Variants in SOX11 observed in about 807,000 individuals in gnomAD.
SOX11 encodes the protein transcription factor SOX-11.
Under a neutral mutation model 16.7 loss-of-function variants are expected in SOX11, and 5 were observed. The ratio of observed to expected loss-of-function variants is 0.30; its 90% CI spans 0.16 to 0.63. The LOEUF (loss-of-function observed/expected upper bound fraction) is 0.63, where lower values mean the gene tolerates loss of function less well. Among genes scored for constraint, SOX11 ranks in the 20% least tolerant of loss-of-function variants. The pLI is 0.82. For synonymous variants in SOX11, 363 were observed against 298.8 expected (o/e 1.21, Z -2.22); for missense variants, 492 against 641.5 (o/e 0.77, Z 2.52).
rs1665650855 is a variant in SOX11 at position 5,692,528 on chromosome 2, G to A, written c.-194G>A. The A allele has an allele frequency of 8.5e-6, 4 of 470,164 alleles. No individual in the cohort carries two copies. The highest frequency in any genetic ancestry group is 1.4e-5 in the Non-Finnish European group (4 of 280,752). 29.1% of individuals were successfully genotyped at this position (470,164 alleles called of 1,614,324 possible). On this transcript the variant is annotated 5_prime_UTR_variant, in exon 1 of 1. Transcript: ENST00000322002. The stretch of plus-strand genomic sequence containing the variant: ...GACCGCAGCTCCCACCGCGCCGGCG[G>A]CCGTCGTCGCCGAAGCCACCACAGC...
At position 5,692,609 on chromosome 2, in the gene SOX11, G is replaced by GAAGAGCACAC; in HGVS notation, c.-113_-112insAAGAGCACAC. The GAAGAGCACAC allele has an allele frequency of 1.3e-6, 1 of 758,036 alleles. No homozygotes were observed. Among genetic ancestry groups the GAAGAGCACAC allele is most frequent in the Non-Finnish European group, 2.0e-6 (1 of 488,676 alleles). 47.0% of individuals were successfully genotyped at this position (758,036 alleles called of 1,614,324 possible). ...GGGGAGGGGGGGAGCCGCGAAAGCG[G>GAAGAGCACAC]GGTGCCGAGGACTTTGCAACTTGCC... On this transcript the variant is annotated 5_prime_UTR_variant, in exon 1 of 1. Transcript: ENST00000322002.
At position 5,699,136 on chromosome 2, in the gene SOX11, C is replaced by T. The variant is rs1217588858; in HGVS notation, c.*5089C>T. On this transcript the variant is annotated 3_prime_UTR_variant, in exon 1 of 1. Coordinates refer to ENST00000322002, the MANE Select transcript of SOX11 (RefSeq NM_003108.4). ...TTTATAGAATCTTTATACTCTTTTA[C>T]TGTGTGGTTCCCTGCTTTTAACAGA... is the stretch of plus-strand genomic sequence containing the variant. 6.0e-6 allele frequency: 1 copy of T among 166,952 alleles called. No homozygotes were observed. Among genetic ancestry groups the T allele is most frequent in the East Asian group, 1.9e-4 (1 of 5,196 alleles). The allele number at this position is 166,952 out of a possible 1,614,324, so 10.3% of individuals were successfully genotyped here. A position where few individuals can be genotyped will look rare whatever the true frequency, so the allele number is the denominator to read the frequency against.
In SOX11 at chr2:5,695,571, T is replaced by G. The variant is rs944632080; in HGVS notation, c.*1524T>G. The G allele has an allele frequency of 2.6e-4, 43 of 164,426 alleles. No individual in the cohort carries two copies. The highest frequency in any genetic ancestry group is 3.4e-4 in the Non-Finnish European group (23 of 67,508). 10.2% of individuals were successfully genotyped at this position (164,426 alleles called of 1,614,324 possible). A position where few individuals can be genotyped will look rare whatever the true frequency, so the allele number is the denominator to read the frequency against. ...ACTGTCGACATCATTGCCTGTTTTTTTTTTTTTTTTTTTGTGCTGGAAGTC... is the reference window on the plus strand; with the variant it reads ...ACTGTCGACATCATTGCCTGTTTTTGTTTTTTTTTTTTTGTGCTGGAAGTC... On this transcript the variant is annotated 3_prime_UTR_variant, in exon 1 of 1. Coordinates refer to ENST00000322002, the MANE Select transcript of SOX11 (RefSeq NM_003108.4).
In SOX11 at chr2:5,697,052, G is replaced by A. The variant is rs1173391841; in HGVS notation, c.*3005G>A. 2 of 157,658 alleles carry A rather than the reference G, an allele frequency of 1.3e-5. No homozygotes were observed. The allele number at this position is 157,658 out of a possible 1,614,324, so 9.8% of individuals were successfully genotyped here. ...CCTGTGTCCCCGAGCCCTCGCGGCA[G>A]GCCCGAGCAGGCGATCGCGGCCGGG... On this transcript the variant is annotated 3_prime_UTR_variant, in exon 1 of 1. Transcript: ENST00000322002.
Position 5,695,052 on chromosome 2 carries a change from G to GT in SOX11, c.*1011dup, listed in dbSNP as rs1178054729. ...AGTGAAAAGGGAACATTCTTGCTGT[G>GT]TTTTTTCAGTAAGACTTTCAGGCAC... On this transcript the variant is annotated 3_prime_UTR_variant, in exon 1 of 1. Coordinates refer to ENST00000322002, the MANE Select transcript of SOX11 (RefSeq NM_003108.4). The GT allele has an allele frequency of 1.2e-5, 2 of 166,618 alleles. No homozygotes were observed. Among genetic ancestry groups the GT allele is most frequent in the Non-Finnish European group, 2.9e-5 (2 of 68,004 alleles). 10.3% of individuals were successfully genotyped at this position (166,618 alleles called of 1,614,324 possible). A position where few individuals can be genotyped will look rare whatever the true frequency, so the allele number is the denominator to read the frequency against.
In SOX11 at chr2:5,693,364, A is replaced by G; in HGVS notation, c.643A>G (p.Lys215Glu). 6.3e-7 allele frequency: 1 copy of G among 1,590,226 alleles called. No individual in the cohort carries two copies. Among genetic ancestry groups the G allele is most frequent in the Non-Finnish European group, 8.5e-7 (1 of 1,177,098 alleles). The change falls in exon 1 of 1, where the codon AAG becomes GAG. Residue 215 changes from lysine to glutamate, a missense_variant. By Grantham distance (56) the Lys-to-Glu change is moderately conservative. Around this residue, in one of 4 missense-constraint regions of SOX11, gnomAD observed 389 missense variants for 389.0 expected, o/e 1.00. Transcript: ENST00000322002. The surrounding 1 kb of genome is among the most constrained non-coding windows in gnomAD (Gnocchi z 8.6). Reference sequence around the variant, plus strand: ...CGGCTCGGGCGGCGGCGGCGCGGGCAAGACGGTCAAGTGCGTGTTTCTGGA... The same window carrying G: ...CGGCTCGGGCGGCGGCGGCGCGGGCGAGACGGTCAAGTGCGTGTTTCTGGA... ...VSGSGGGGAG[K>E]TVKCVFLDED...
chr2:5,694,122 G>GATA lies in SOX11; in HGVS notation c.*77_*78insAAT, dbSNP rs1211910516. On this transcript the variant is annotated 3_prime_UTR_variant, in exon 1 of 1. Coordinates refer to ENST00000322002, the MANE Select transcript of SOX11 (RefSeq NM_003108.4). ...CTTGGGAGGAAGTTGTAGTGGTGATGATGATGATGATAATGATGATGATGA... is the reference window on the plus strand; with the variant it reads ...CTTGGGAGGAAGTTGTAGTGGTGATGATAATGATGATGATAATGATGATGATGA... 2.0e-5 allele frequency: 30 copies of GATA among 1,464,432 alleles called. No individual in the cohort carries two copies. In the African/African-American group the frequency reaches 2.9e-4, roughly 14 times the overall value. The allele number at this position is 1,464,432 out of a possible 1,614,324, so 90.7% of individuals were successfully genotyped here. A position where few individuals can be genotyped will look rare whatever the true frequency, so the allele number is the denominator to read the frequency against.
In SOX11 at chr2:5,698,868, C is replaced by T. The variant is rs951208400; in HGVS notation, c.*4821C>T. The T allele has an allele frequency of 1.4e-4, 23 of 166,992 alleles. No individual in the cohort carries two copies. The highest frequency in any genetic ancestry group is 5.5e-4 in the African/African-American group (23 of 41,452). 10.3% of individuals were successfully genotyped at this position (166,992 alleles called of 1,614,324 possible). ...AAATCATAATCATCTGATATTAGTA[C>T]AGTACAAGAAATTTACATTTGTTTT... On this transcript the variant is annotated 3_prime_UTR_variant, in exon 1 of 1. Coordinates refer to ENST00000322002, the MANE Select transcript of SOX11 (RefSeq NM_003108.4).
In SOX11 at chr2:5,693,923, C is replaced by T. The variant is rs1229609930; in HGVS notation, c.1202C>T (p.Ser401Leu). Residue 401 changes from serine (S) to leucine (L), a missense_variant, in exon 1 of 1, where the codon TCG (serine) becomes TTG (leucine). Physicochemically the swap from Ser to Leu is moderately radical, Grantham distance 145. Transcript: ENST00000322002. The surrounding 1 kb of genome is among the most constrained non-coding windows in gnomAD (Gnocchi z 8.6). ...TCGCTGGTGGATAAGGATTTGGATTCGTTCAGCGAGGGCAGCCTGGGCTCC... is the reference window on the plus strand; with the variant it reads ...TCGCTGGTGGATAAGGATTTGGATTTGTTCAGCGAGGGCAGCCTGGGCTCC... The part of the protein sequence containing the change: ...SLSLVDKDLD[S>L]FSEGSLGSHF... The T allele has an allele frequency of 1.3e-6, 2 of 1,551,574 alleles. No individual in the cohort carries two copies. Among genetic ancestry groups the T allele is most frequent in the Admixed American group, 2.0e-5 (1 of 51,016 alleles).
At position 5,693,477 on chromosome 2, in the gene SOX11, C is replaced by T. The variant is rs766540337; in HGVS notation, c.756C>T (p.His252=). The T allele has an allele frequency of 1.5e-5, 24 of 1,586,524 alleles. No individual in the cohort carries two copies. In the South Asian group the frequency reaches 1.6e-4, roughly 10 times the overall value. The change falls in exon 1 of 1, where the codon CAC becomes CAT. Residue 252 remains histidine (H), a synonymous_variant. Coordinates refer to ENST00000322002, the MANE Select transcript of SOX11 (RefSeq NM_003108.4). This position sits in a 1 kb window ranked among gnomAD's most constrained non-coding sequence, Gnocchi z 8.6. The part of the protein sequence containing the change: ...EPDEEDEEPP[H]QQLLQPPGQQ... ...ACGAGGAGGACGAGGAACCACCGCACCAGCAGCTCCTGCAGCCGCCGGGGC... is the reference window on the plus strand; with the variant it reads ...ACGAGGAGGACGAGGAACCACCGCATCAGCAGCTCCTGCAGCCGCCGGGGC...
Position 5,694,099 on chromosome 2 carries a change from T to A in SOX11, c.*52T>A. On this transcript the variant is annotated 3_prime_UTR_variant, in exon 1 of 1. Transcript: ENST00000322002. ...TCGGAGGGTGCAGAGCTGGGTTCCT[T>A]GGGAGGAAGTTGTAGTGGTGATGAT... The A allele has an allele frequency of 6.7e-7, 1 of 1,493,192 alleles. No individual in the cohort carries two copies. Among genetic ancestry groups the A allele is most frequent in the Non-Finnish European group, 8.9e-7 (1 of 1,120,820 alleles). 92.5% of individuals were successfully genotyped at this position (1,493,192 alleles called of 1,614,324 possible). A position where few individuals can be genotyped will look rare whatever the true frequency, so the allele number is the denominator to read the frequency against.
At position 5,699,444 on chromosome 2, in the gene SOX11, G is replaced by A. The variant is rs1220177071; in HGVS notation, c.*5397G>A. ...GGATTTACAAGTTCCCAAAGTAACC[G>A]TCTCCATGTAACTCTTGACATACTT... On this transcript the variant is annotated 3_prime_UTR_variant, in exon 1 of 1. Coordinates refer to ENST00000322002, the MANE Select transcript of SOX11 (RefSeq NM_003108.4). The A allele has an allele frequency of 5.4e-5, 9 of 166,888 alleles. No homozygotes were observed. The East Asian group carries it at 7.7e-4, about 14-fold the overall frequency. 10.3% of individuals were successfully genotyped at this position (166,888 alleles called of 1,614,324 possible).
chr2:5,694,107 A>C lies in SOX11; in HGVS notation c.*60A>C. On this transcript the variant is annotated 3_prime_UTR_variant, in exon 1 of 1. Transcript: ENST00000322002. ...TGCAGAGCTGGGTTCCTTGGGAGGAAGTTGTAGTGGTGATGATGATGATGA... is the reference window on the plus strand; with the variant it reads ...TGCAGAGCTGGGTTCCTTGGGAGGACGTTGTAGTGGTGATGATGATGATGA... 6.7e-7 allele frequency: 1 copy of C among 1,482,316 alleles called. No homozygotes were observed. 91.8% of individuals were successfully genotyped at this position (1,482,316 alleles called of 1,614,324 possible).
In SOX11 at chr2:5,693,435, G is replaced by A; in HGVS notation, c.714G>A (p.Gln238=). 6.3e-7 allele frequency: 1 copy of A among 1,591,662 alleles called. No homozygotes were observed. Among genetic ancestry groups the A allele is most frequent in the Non-Finnish European group, 8.5e-7 (1 of 1,177,132 alleles). The change falls in exon 1 of 1, where the codon CAG becomes CAA. Residue 238 remains glutamine, a synonymous_variant. Transcript: ENST00000322002. The surrounding 1 kb of genome is among the most constrained non-coding windows in gnomAD (Gnocchi z 8.6). The part of the protein sequence containing the change: ...DDDDDDELQL[Q]IKQEPDEEDE... ...ACGACGACGACGAGCTGCAGCTGCA[G>A]ATCAAACAGGAGCCGGACGAGGAGG...
rs1665689927 is a variant in SOX11 at position 5,694,201 on chromosome 2, A to T, written c.*154A>T. 6 of 986,842 alleles carry T rather than the reference A, an allele frequency of 6.1e-6. No individual in the cohort carries two copies. The South Asian group carries it at 1.3e-4, about 21-fold the overall frequency. 61.1% of individuals were successfully genotyped at this position (986,842 alleles called of 1,614,324 possible). On this transcript the variant is annotated 3_prime_UTR_variant, in exon 1 of 1. Transcript: ENST00000322002. ...GTGGAGGGGAGAGAAGAAGATGCTGATGATATTGATAAGATGTCGTGACGC... is the reference window on the plus strand; with the variant it reads ...GTGGAGGGGAGAGAAGAAGATGCTGTTGATATTGATAAGATGTCGTGACGC...
Position 5,693,207 on chromosome 2 carries a change from C to T in SOX11, c.486C>T (p.Gly162=), listed in dbSNP as rs1194478554. 1.3e-6 allele frequency: 2 copies of T among 1,507,640 alleles called. No individual in the cohort carries two copies. The highest frequency in any genetic ancestry group is 2.5e-5 in the East Asian group (1 of 40,418). The allele number at this position is 1,507,640 out of a possible 1,614,324, so 93.4% of individuals were successfully genotyped here. Residue 162 remains glycine (G), a synonymous_variant, in exon 1 of 1, where the codon GGC becomes GGT. Transcript: ENST00000322002. This position sits in a 1 kb window ranked among gnomAD's most constrained non-coding sequence, Gnocchi z 8.6. ...CGGGCGGTGCCAAGACCTCCAAGGG[C>T]TCCAGCAAGAAATGCGGCAAGCTCA... The part of the protein sequence containing the change: ...GGAGGAKTSK[G]SSKKCGKLKA...
In SOX11 at chr2:5,698,699, T is replaced by A. The variant is rs777122383; in HGVS notation, c.*4652T>A. On this transcript the variant is annotated 3_prime_UTR_variant, in exon 1 of 1. Transcript: ENST00000322002. ...GAGAAAGAAATCATTACAACTCTTT[T>A]GGGCAGAGATGTTTCTTTTTAATGT... The A allele has an allele frequency of 1.2e-5, 2 of 167,118 alleles. No individual in the cohort carries two copies. Among genetic ancestry groups the A allele is most frequent in the African/African-American group, 4.8e-5 (2 of 41,480 alleles). The allele number at this position is 167,118 out of a possible 1,614,324, so 10.4% of individuals were successfully genotyped here.
Position 5,692,453 on chromosome 2 carries a change from GA to G in SOX11, c.-268del, listed in dbSNP as rs1665648569. 6.6e-6 allele frequency among the ~76,000 whole-genome samples: 1 copy of G among 152,022 alleles called. No individual in the cohort carries two copies. The highest frequency in any genetic ancestry group is 2.4e-5 in the African/African-American group (1 of 41,422). On this transcript the variant is annotated 5_prime_UTR_variant, in exon 1 of 1. Transcript: ENST00000322002. ...TGCGGTAGGAGCCACGAGCCGGAGAGAGGGGTCCCGGGCTGCCTCGACCGCC... is the reference window on the plus strand; with the variant it reads ...TGCGGTAGGAGCCACGAGCCGGAGAGGGGGTCCCGGGCTGCCTCGACCGCC...
At position 5,701,014 on chromosome 2, in the gene SOX11, G is replaced by A. The variant is rs562089215; in HGVS notation, c.*6967G>A. On this transcript the variant is annotated 3_prime_UTR_variant, in exon 1 of 1. Coordinates refer to ENST00000322002, the MANE Select transcript of SOX11 (RefSeq NM_003108.4). Reference sequence around the variant, plus strand: ...TAAAGCTACCTGAGGCAGTGCGCTGGAGGATGAAGTGTTTGATAGCACTAG... The same window carrying A: ...TAAAGCTACCTGAGGCAGTGCGCTGAAGGATGAAGTGTTTGATAGCACTAG... 1.2e-5 allele frequency: 2 copies of A among 166,910 alleles called. No homozygotes were observed. Among genetic ancestry groups the A allele is most frequent in the South Asian group, 4.2e-4 (2 of 4,810 alleles). The allele number at this position is 166,910 out of a possible 1,614,324, so 10.3% of individuals were successfully genotyped here.
Sources: allele counts gnomAD v4.1 joint callset (sites outside exome capture counted in the v4.1 genomes callset), GRCh38; gene constraint gnomAD v4.1.1; regional missense constraint gnomAD v4.1.1; non-coding constraint Gnocchi (gnomAD v3.1); transcripts MANE v1.5; gene names NCBI Gene and HGNC (gene_info 2026-07-23, HGNC 2026-07-21).